The following PRKCH variants were observed in gnomAD, a reference collection of about 807,000 sequenced individuals.
PRKCH encodes the protein protein kinase C eta type.
PRKCH carries 28 observed loss-of-function variants against 82.5 expected under a neutral mutation model. The ratio of observed to expected loss-of-function variants is 0.34; its 90% CI spans 0.25 to 0.47. The LOEUF is 0.47. PRKCH is among the 20% of genes least tolerant of loss of function. The probability of loss-of-function intolerance (pLI) is 1.00; values close to 1 mark genes in which losing one functional copy is unlikely to be tolerated. For synonymous variants in PRKCH, 322 were observed against 327.4 expected, an observed-to-expected ratio of 0.98 and a Z score of 0.18; for missense variants, 705 against 881.8, an observed-to-expected ratio of 0.80 and a Z score of 2.54.
At chr14:61,507,918 T>C (rs1258775118) in intron 10 of PRKCH, among the ~76,000 whole-genome samples, 2 of 152,028 alleles carry the variant, frequency 1.3e-5, no homozygotes, top group East Asian at 3.9e-4. Context: ...AGAGAGTACA[T>C]CTTAAGTGCT....
intron 10 of PRKCH, among the ~76,000 whole-genome samples, chr14:61,502,232 T>A (rs888877944): frequency 2.6e-5 from 4 of 151,784 alleles, no homozygotes; most frequent in Non-Finnish European, 5.9e-5. Context: ...CCCGGCTAAT[T>A]TTTGTATTTT....
chr14:61,531,302 T>C (rs1050500427), intron 12 of PRKCH, among the ~76,000 whole-genome samples: 1 of 152,206 alleles, frequency 6.6e-6, no homozygotes, highest in African/African-American at 2.4e-5. Context: ...CAAAATCATG[T>C]ATTTTCACCT....
intron 10 of PRKCH, among the ~76,000 whole-genome samples, chr14:61,518,874 A>G (rs1322431129): frequency 1.3e-5 from 2 of 151,828 alleles, no homozygotes; most frequent in African/African-American, 4.9e-5. Context: ...GTGCAGTAGC[A>G]CAATCATAGC....
chr14:61,281,590 A>C (rs117955567), intron 1 of PRKCH: 3,735 of 168,184 alleles, frequency 0.022, 51 homozygotes, highest in Non-Finnish European at 0.034. Flanking sequence ...CCGCCTTCCA[A>C]GTGACTAGAG....
At chr14:61,465,429 T>C (rs1885211549) in intron 9 of PRKCH, among the ~76,000 whole-genome samples, 1 of 152,244 alleles carries the variant, frequency 6.6e-6, no homozygotes, top group Non-Finnish European at 1.5e-5. Context: ...TCTGTTTTTA[T>C]TCTTCTGCAT....
intron 2 of PRKCH, among the ~76,000 whole-genome samples, chr14:61,407,582 AG>A (rs1468513810): frequency 6.6e-6 from 1 of 152,150 alleles, no homozygotes; most frequent in Non-Finnish European, 1.5e-5. Context: ...AGAGTGTGAA[AG>A]GAACAGCTTC....
chr14:61,529,444 A>G (rs1011424130), intron 11 of PRKCH, among the ~76,000 whole-genome samples: 1 of 152,066 alleles, frequency 6.6e-6, no homozygotes, highest in Non-Finnish European at 1.5e-5. Context: ...TGCTATAAAG[A>G]CACATGCACA....
At chr14:61,455,221 G>A (rs1469671044) in intron 7 of PRKCH, among the ~76,000 whole-genome samples, 1 of 93,090 alleles carries the variant, frequency 1.1e-5, no homozygotes, top group African/African-American at 3.3e-5. Context: ...TTTTTTTTTA[G>A]TAGAGATGGG....
rs1337148712 is a variant in PRKCH, at chr14:61,322,040, G to C, written c.-62G>C. The C allele has an allele frequency of 1.4e-6, 2 of 1,473,924 alleles. No individual in the cohort carries two copies. Among genetic ancestry groups the C allele is most frequent in the East Asian group, 5.0e-5 (2 of 39,904 alleles). 91.3% of individuals were successfully genotyped at this position (1,473,924 alleles called of 1,614,324 possible). A position where few individuals can be genotyped will look rare whatever the true frequency, so the allele number is the denominator to read the frequency against. On this transcript the variant is annotated 5_prime_UTR_variant, in exon 1 of 14. Transcript: ENST00000332981. ...TGTCCCGAGGGCTGGCCTGAGACGG[G>C]ACTCCCGGTTCTCCCGCTGCGAAGC...
intron 1 of PRKCH, among the ~76,000 whole-genome samples, chr14:61,287,318 G>A (rs951001423): frequency 2.6e-5 from 4 of 151,614 alleles, no homozygotes; most frequent in African/African-American, 9.7e-5. Flanking sequence ...GTTGGCAGGA[G>A]AGCAACACCA....
At chr14:61,385,095 A>T (rs2046567483) in intron 1 of PRKCH, among the ~76,000 whole-genome samples, 1 of 152,010 alleles carries the variant, frequency 6.6e-6, no homozygotes, top group Non-Finnish European at 1.5e-5. Context: ...TACCAAGAGA[A>T]GTGGTCTGTA....
chr14:61,485,465 T>A lies in PRKCH; in HGVS notation c.1279-37T>A, dbSNP rs772172509. ...GCTGATGGAGCTCTAGGTTAATTGC[T>A]ACACCACATTGGGCCCTCTCTTGTG... On this transcript the variant is annotated intron_variant, in intron 9 of 13. Transcript: ENST00000332981. 2.5e-6 allele frequency: 4 copies of A among 1,606,124 alleles called. No homozygotes were observed. In the South Asian group the frequency reaches 4.4e-5, roughly 18 times the overall value.
chr14:61,427,271 A>G (rs1883154367), intron 2 of PRKCH, among the ~76,000 whole-genome samples: 1 of 152,226 alleles, frequency 6.6e-6, no homozygotes, highest in African/African-American at 2.4e-5. Context: ...TAGAATCAAT[A>G]GAAAGGAGTG....
At chr14:61,364,131 C>T (rs2046268378) in intron 1 of PRKCH, among the ~76,000 whole-genome samples, 1 of 150,850 alleles carries the variant, frequency 6.6e-6, no homozygotes, top group African/African-American at 2.4e-5. Context: ...CCTTGGCCTC[C>T]CAAAGTGCTG....
At chr14:61,316,738 T>C (rs897683202), upstream of PRKCH, among the ~76,000 whole-genome samples, 2 of 152,206 alleles carry the variant, frequency 1.3e-5, no homozygotes, top group Admixed American at 6.5e-5. Flanking sequence ...TCACATAACA[T>C]AGGCTGGAGA....
chr14:61,430,159 A>G (rs1883314439), intron 2 of PRKCH, among the ~76,000 whole-genome samples: 1 of 152,246 alleles, frequency 6.6e-6, no homozygotes, highest in Admixed American at 6.5e-5. Flanking sequence ...AATGAGCAAA[A>G]GATTTGAACA....
At chr14:61,494,683 C>T (rs1886588813) in intron 10 of PRKCH, among the ~76,000 whole-genome samples, 1 of 152,338 alleles carries the variant, frequency 6.6e-6, no homozygotes, top group Admixed American at 6.5e-5. Context: ...TGCATATGTG[C>T]TGTCACCTGA....
rs1339988177 is a variant in PRKCH, at chr14:61,470,538, C to T, written c.1278+12859C>T. On this transcript the variant is annotated intron_variant, in intron 9 of 13. Coordinates refer to ENST00000332981, the MANE Select transcript of PRKCH (RefSeq NM_006255.5). ...GGCTCAGGCTCGCCAGCAGACCCTC[C>T]CCTTTTTTGCTGGAGGGCTTTGGCA... Among the ~76,000 whole-genome samples the T allele has an allele frequency of 2.6e-5, 4 of 152,218 alleles. No individual in the cohort carries two copies. In the East Asian group the frequency reaches 7.7e-4, roughly 29 times the overall value.
At chr14:61,229,473 C>T (rs2044723779) in intron 1 of PRKCH, among the ~76,000 whole-genome samples, 1 of 152,124 alleles carries the variant, frequency 6.6e-6, no homozygotes, top group Non-Finnish European at 1.5e-5. Context: ...AATGAATGAA[C>T]AGATTTCTCA....
Sources: gnomAD v4.1 joint callset for allele counts (sites outside exome capture counted in the v4.1 genomes callset) on GRCh38, gnomAD v4.1.1 for gene constraint, MANE v1.5 for transcripts, NCBI Gene and HGNC (gene_info 2026-07-23, HGNC 2026-07-21) for gene names.